TTN: variants seen among roughly 807,000 people sequenced by gnomAD.
The protein encoded by TTN is titin.
TTN carries 1,525 observed loss-of-function variants against 3,223.0 expected under a neutral mutation model. The observed-to-expected ratio is 0.47, with a 90% CI of 0.45 to 0.49. The LOEUF is 0.49. Among genes scored for constraint, TTN ranks in the 20% least tolerant of loss-of-function variants. The probability of loss-of-function intolerance (pLI) is 0.00; values close to 1 mark genes in which losing one functional copy is unlikely to be tolerated. For synonymous variants in TTN, 14,094 were observed against 15,161.0 expected (o/e 0.93, Z 5.17); for missense variants, 40,786 against 43,424.0 (o/e 0.94, Z 5.40).
At position 178,738,034 on chromosome 2, in the gene TTN, A is replaced by G. The variant is rs533215209; in HGVS notation, c.14371+48T>C. 9.5e-6 allele frequency: 15 copies of G among 1,580,964 alleles called. No homozygotes were observed. In the African/African-American group the frequency reaches 1.9e-4, roughly 20 times the overall value. ...ACATGTACAGAAAGCAAAAAGGACA[A>G]CAATATGAAATGAAGTGACAACATC... On this transcript the variant is annotated intron_variant, in intron 49 of 362. Coordinates refer to ENST00000589042, the MANE Select transcript of TTN (RefSeq NM_001267550.2).
At chr2:178,650,931 C>G (rs914489718) in intron 208 of TTN, 97 bp from the exon 209 acceptor site, 1 of 1,287,914 alleles carries the variant, frequency 7.8e-7, no homozygotes, top group Non-Finnish European at 1.1e-6. Flanking sequence ...AACCCAGGGA[C>G]AGATCCAAGA....
chr2:178,641,520 A>G, intron 219 of TTN: 1 of 366,124 alleles, frequency 2.7e-6, no homozygotes, highest in South Asian at 5.1e-5. Context: ...ATAGCACTCA[A>G]AGTTACTTTG....
chr2:178,568,532 T>A lies in TTN; in HGVS notation c.77600A>T (p.Gln25867Leu), dbSNP rs1706845925. The A allele has an allele frequency of 6.2e-7, 1 of 1,613,358 alleles. No individual in the cohort carries two copies. Among genetic ancestry groups the A allele is most frequent in the African/African-American group, 1.3e-5 (1 of 74,880 alleles). Residue 25867 changes from glutamine (Q) to leucine (L), a missense_variant, in exon 326 of 363, where the codon CAA (glutamine) becomes CTA (leucine). Physicochemically the swap from Gln to Leu is moderately radical, Grantham distance 113. Coordinates refer to ENST00000589042, the MANE Select transcript of TTN (RefSeq NM_001267550.2). The part of the protein sequence containing the change: ...IKETHKDDGG[Q>L]YGITVANVVG... ...AACATTGGCAACTGTGATTCCATAT[T>A]GTCCACCATCATCCTTATGAGTTTC... is the stretch of plus-strand genomic sequence containing the variant.
chr2:178,652,055 A>G, intron 204 of TTN, 41 bp downstream of exon 204: 1 of 1,612,118 alleles, frequency 6.2e-7, no homozygotes, highest in Non-Finnish European at 8.5e-7. Flanking sequence ...CTAAGGAAAG[A>G]TTTTTTTAAA....
rs1163844137 is a variant in TTN, at chr2:178,591,099, A to C, written c.60626T>G (p.Val20209Gly). Residue 20209 changes from valine to glycine, a missense_variant, in exon 304 of 363, where the codon GTT (valine) becomes GGT (glycine). Val to Gly is a moderately radical substitution (Grantham distance 109, BLOSUM62 -3). Coordinates refer to ENST00000589042, the MANE Select transcript of TTN (RefSeq NM_001267550.2). ...GTCTTTCCTTGTATCTTGTTTCTCA[A>C]CAATATAATTTATCACAGGGCTTCC... ...DGGSPVINYIVEKQDTRKDTW... is the reference protein window; with the variant it reads ...DGGSPVINYIGEKQDTRKDTW... 2 of 1,613,278 alleles carry C rather than the reference A, an allele frequency of 1.2e-6. No homozygotes were observed. The highest frequency in any genetic ancestry group is 1.7e-6 in the Non-Finnish European group (2 of 1,179,526).
rs1559808274 is a variant in TTN at position 178,614,247 on chromosome 2, T to G, written c.49150A>C (p.Thr16384Pro). The change falls in exon 262 of 363, where the codon ACA becomes CCA. Residue 16384 changes from threonine (T) to proline (P), a missense_variant. Transcript: ENST00000589042. ...PPRDDGGSKI[T>P]NYVVERRATD... ...GCTCGTCTCTCCACAACATAGTTTG[T>G]GATCTTAGATCCACCATCATCGCGT... 6.2e-7 allele frequency: 1 copy of G among 1,612,648 alleles called. No individual in the cohort carries two copies. The highest frequency in any genetic ancestry group is 8.5e-7 in the Non-Finnish European group (1 of 1,179,264).
Position 178,734,879 on chromosome 2 carries a change from C to T in TTN, c.15045G>A (p.Trp5015Ter). Residue 5015 changes from tryptophan (W) to a stop codon, truncating the protein, a stop_gained, in exon 51 of 363, where the codon TGG becomes TGA. Coordinates refer to ENST00000589042, the MANE Select transcript of TTN (RefSeq NM_001267550.2). LOFTEE classifies it high-confidence loss of function. ...CACTGAGTTCTTTGTTATTTTTAAA[C>T]CAAGTAACCTGGATCACAGGTGAGC... ...LKGSPVIQVT[W>*]FKNNKELSES... 6.2e-7 allele frequency: 1 copy of T among 1,613,498 alleles called. No homozygotes were observed. Among genetic ancestry groups the T allele is most frequent in the South Asian group, 1.1e-5 (1 of 91,068 alleles).
rs370171983 is a variant in TTN, at chr2:178,678,477, G to C, written c.33847C>G (p.Pro11283Ala). The C allele has an allele frequency of 6.3e-7, 1 of 1,591,406 alleles. No homozygotes were observed. The highest frequency in any genetic ancestry group is 8.5e-7 in the Non-Finnish European group (1 of 1,170,004). The change falls in exon 144 of 363, where the codon CCT (proline) becomes GCT (alanine). Residue 11283 changes from proline (P) to alanine (A), a missense_variant. Physicochemically the swap from Pro to Ala is conservative, Grantham distance 27 (BLOSUM62 -1). Coordinates refer to ENST00000589042, the MANE Select transcript of TTN (RefSeq NM_001267550.2). ...ACTGGCACCTTCTTCTCAGGCACAG[G>C]CTTCTTGGGTACCTCTGGCACTTTA... ...PAKVPEVPKKPVPEKKVPVPA... is the reference protein window; with the variant it reads ...PAKVPEVPKKAVPEKKVPVPA...
In TTN at chr2:178,584,390, A is replaced by G. The variant is rs745497694; in HGVS notation, c.65161T>C (p.Cys21721Arg). ...DTLVRSTEYP[C>R]AGLVEGLEYS... The stretch of plus-strand genomic sequence containing the variant: ...TCAAGACCTTCTACAAGGCCAGCAC[A>G]AGGATATTCAGTTGACCGGACAAGA... Residue 21721 changes from cysteine to arginine, a missense_variant, in exon 311 of 363, where the codon TGT becomes CGT. Cys to Arg is a radical substitution (Grantham distance 180, BLOSUM62 -3). Coordinates refer to ENST00000589042, the MANE Select transcript of TTN (RefSeq NM_001267550.2). 15 of 1,613,232 alleles carry G rather than the reference A, an allele frequency of 9.3e-6. No homozygotes were observed. In the East Asian group the frequency reaches 2.0e-4, roughly 22 times the overall value.
At position 178,579,317 on chromosome 2, in the gene TTN, C is replaced by A; in HGVS notation, c.67713G>T (p.Lys22571Asn). The A allele has an allele frequency of 6.2e-7, 1 of 1,609,576 alleles. No homozygotes were observed. Among genetic ancestry groups the A allele is most frequent in the Non-Finnish European group, 8.5e-7 (1 of 1,177,338 alleles). Residue 22571 changes from lysine to asparagine, a missense_variant, in exon 320 of 363, where the codon AAG (lysine) becomes AAT (asparagine). Physicochemically the swap from Lys to Asn is moderately conservative, Grantham distance 94. Coordinates refer to ENST00000589042, the MANE Select transcript of TTN (RefSeq NM_001267550.2). ...LAKENSNFRL[K>N]IPIKGKPAPS... ...GAGCTGGCTTGCCTTTTATGGGGAT[C>A]TTAAGCCGGAAGTTGCTGTTTTCTT...
chr2:178,767,869 T>C lies in TTN; in HGVS notation c.9361A>G (p.Met3121Val). The C allele has an allele frequency of 6.2e-7, 1 of 1,614,116 alleles. No individual in the cohort carries two copies. Among genetic ancestry groups the C allele is most frequent in the Non-Finnish European group, 8.5e-7 (1 of 1,180,004 alleles). ...ACTGTGTACTTCCCAGCATCAGACATCCGGGTGGATGGGATCAGAAGGCGG... is the reference window on the plus strand; with the variant it reads ...ACTGTGTACTTCCCAGCATCAGACACCCGGGTGGATGGGATCAGAAGGCGG... ...VHRLLIPSTR[M>V]SDAGKYTVVA... The change falls in exon 40 of 363, where the codon ATG (methionine) becomes GTG (valine). Residue 3121 changes from methionine to valine, a missense_variant. Transcript: ENST00000589042.
Position 178,534,858 on chromosome 2 carries a change from A to AT in TTN, c.101756dup (p.Tyr33919Ter). Residue 33919 changes from tyrosine (Y) to a stop codon, truncating the protein, a stop_gained and frameshift_variant, in exon 358 of 363, where the codon TAT (tyrosine) becomes TAAT (stop). Coordinates refer to ENST00000589042, the MANE Select transcript of TTN (RefSeq NM_001267550.2). LOFTEE classifies it high-confidence loss of function. Reference protein sequence around the residue: ...FELNEREIVSYVHQVCEALQF... With the variant: ...FELNEREIVS ...GAAGTGCTTCACAGACCTGGTGAAC[A>AT]TAACTTACAATTTCTCTTTCATTAA... The AT allele has an allele frequency of 6.2e-7, 1 of 1,608,624 alleles. No homozygotes were observed. Among genetic ancestry groups the AT allele is most frequent in the Non-Finnish European group, 8.5e-7 (1 of 1,179,810 alleles).
intron 223 of TTN, 73 bp from the exon 224 acceptor site, chr2:178,637,492 G>T: frequency 1.2e-6 from 1 of 859,224 alleles, no homozygotes; most frequent in Non-Finnish European, 1.6e-6. Context: ...AACCATGGAG[G>T]GTGAGTCATG....
chr2:178,766,612 C>G lies in TTN; in HGVS notation c.9472G>C (p.Val3158Leu). 6.2e-7 allele frequency: 1 copy of G among 1,611,144 alleles called. No individual in the cohort carries two copies. Among genetic ancestry groups the G allele is most frequent in the Non-Finnish European group, 8.5e-7 (1 of 1,177,746 alleles). Residue 3158 changes from valine (V) to leucine (L), a missense_variant and splice_region_variant, in exon 41 of 363, where the codon GTC becomes CTC. Physicochemically the swap from Val to Leu is conservative, Grantham distance 32 (BLOSUM62 1). Coordinates refer to ENST00000589042, the MANE Select transcript of TTN (RefSeq NM_001267550.2). ...ACAACAGCACGCTGTTTCTCAATGA[C>G]CTGTTGATGGAACAACATAAAAAAA... ...RIRSIKKEVQ[V>L]IEKQRAVVEF...
chr2:178,686,035 G>A (rs1171807602), intron 127 of TTN, among the ~76,000 whole-genome samples: 2 of 151,244 alleles, frequency 1.3e-5, no homozygotes, highest in African/African-American at 2.4e-5. Flanking sequence ...TGTTTTCCCC[G>A]CCAGTTTTGT....
chr2:178,565,425 C>T lies in TTN; in HGVS notation c.80707G>A (p.Val26903Ile), dbSNP rs1559341049. The change falls in exon 326 of 363, where the codon GTT becomes ATT. Residue 26903 changes from valine (V) to isoleucine (I), a missense_variant. Transcript: ENST00000589042. ...AGEDLKIEIPVIGRPRPNISW... is the reference protein window; with the variant it reads ...AGEDLKIEIPIIGRPRPNISW... ...ATGTTAGGTCTTGGTCGGCCTATAACTGGAATTTCTATTTTAAGATCTTCT... is the reference window on the plus strand; with the variant it reads ...ATGTTAGGTCTTGGTCGGCCTATAATTGGAATTTCTATTTTAAGATCTTCT... 4.3e-6 allele frequency: 7 copies of T among 1,613,406 alleles called. No individual in the cohort carries two copies. Among genetic ancestry groups the T allele is most frequent in the South Asian group, 1.1e-5 (1 of 91,050 alleles).
chr2:178,712,883 A>C lies in TTN; in HGVS notation c.27142T>G (p.Phe9048Val). Residue 9048 changes from phenylalanine (F) to valine (V), a missense_variant, in exon 94 of 363, where the codon TTC (phenylalanine) becomes GTC (valine). Physicochemically the swap from Phe to Val is conservative, Grantham distance 50. Coordinates refer to ENST00000589042, the MANE Select transcript of TTN (RefSeq NM_001267550.2). ...CTACCTTTGAACCAGCTAACACTGA[A>C]AGGAGGTGTTCCTTTTACGATACTT... is the stretch of plus-strand genomic sequence containing the variant. Reference protein sequence around the residue: ...FTSIVKGTPPFSVSWFKGSSE... With the variant: ...FTSIVKGTPPVSVSWFKGSSE... 1 of 1,613,680 alleles carries C rather than the reference A, an allele frequency of 6.2e-7. No homozygotes were observed. Among genetic ancestry groups the C allele is most frequent in the African/African-American group, 1.3e-5 (1 of 75,042 alleles).
Position 178,634,162 on chromosome 2 carries a change from A to C in TTN, c.42416-79T>G. ...TTCCATTCTAATCTGCCTGAGTAAAAGGGACCCATTTCACATGGCACTTAT... is the reference window on the plus strand; with the variant it reads ...TTCCATTCTAATCTGCCTGAGTAAACGGGACCCATTTCACATGGCACTTAT... On this transcript the variant is annotated intron_variant, in intron 230 of 362. Coordinates refer to ENST00000589042, the MANE Select transcript of TTN (RefSeq NM_001267550.2). The surrounding 1 kb of genome is among the most constrained non-coding windows in gnomAD (Gnocchi z 4.6). 1 of 1,561,506 alleles carries C rather than the reference A, an allele frequency of 6.4e-7. No homozygotes were observed. Among genetic ancestry groups the C allele is most frequent in the South Asian group, 1.2e-5 (1 of 83,810 alleles).
Position 178,592,296 on chromosome 2 carries a change from C to T in TTN, c.59627-19G>A. Reference sequence around the variant, plus strand: ...GGTTTATCTAAAAAGTGTTAAATAACAGTTTGATAAGTAATTTTATCCATA... The same window carrying T: ...GGTTTATCTAAAAAGTGTTAAATAATAGTTTGATAAGTAATTTTATCCATA... On this transcript the variant is annotated intron_variant, in intron 301 of 362. Transcript: ENST00000589042. 1 of 1,603,084 alleles carries T rather than the reference C, an allele frequency of 6.2e-7. No individual in the cohort carries two copies. Among genetic ancestry groups the T allele is most frequent in the South Asian group, 1.1e-5 (1 of 88,032 alleles).
Sources: allele counts gnomAD v4.1 joint callset (sites outside exome capture counted in the v4.1 genomes callset), GRCh38; gene constraint gnomAD v4.1.1; non-coding constraint Gnocchi (gnomAD v3.1); transcripts MANE v1.5; gene names NCBI Gene and HGNC (gene_info 2026-07-23, HGNC 2026-07-21).